Variants in STAG1 observed in about 807,000 individuals in gnomAD.
The protein encoded by STAG1 is STAG1 cohesin complex component, also known as cohesin subunit SA-1.
STAG1 carries 26 observed loss-of-function variants against 170.9 expected under a neutral mutation model. The observed-to-expected ratio is 0.15, with a 90% CI of 0.11 to 0.21. The LOEUF (loss-of-function observed/expected upper bound fraction) is 0.21, where lower values mean the gene tolerates loss of function less well. Among genes scored for constraint, STAG1 ranks in the 10% least tolerant of loss-of-function variants. The probability of loss-of-function intolerance (pLI) is 1.00; values close to 1 mark genes in which losing one functional copy is unlikely to be tolerated. For synonymous variants in STAG1, 514 were observed against 497.7 expected (o/e 1.03, Z -0.44); for missense variants, 964 against 1,509.5 (o/e 0.64, Z 5.99).
chr3:136,350,764 G>A (rs1190044903), intron 28 of STAG1, among the ~76,000 whole-genome samples: 1 of 152,160 alleles, frequency 6.6e-6, no homozygotes, highest in Non-Finnish European at 1.5e-5. Flanking sequence ...TGGTGGTGAT[G>A]ACTTTGTTTA....
At chr3:136,410,206 C>G (rs1444981928) in intron 21 of STAG1, among the ~76,000 whole-genome samples, 1 of 152,034 alleles carries the variant, frequency 6.6e-6, no homozygotes, top group East Asian at 1.9e-4. Context: ...TCAAGACCAG[C>G]CTGGCCAACA....
rs549850944 is a variant in STAG1, at chr3:136,391,026, C to G, written c.2277+7723G>C. Among the ~76,000 whole-genome samples the G allele has an allele frequency of 2.0e-5, 3 of 152,144 alleles. No individual in the cohort carries two copies. The South Asian group carries it at 6.2e-4, about 31-fold the overall frequency. On this transcript the variant is annotated intron_variant, in intron 22 of 33. Transcript: ENST00000383202. ...TTTCTCCAGTCTGTTTGCAGGTCAA[C>G]AAGTTGGAATTTTCAGAGGAGAACC...
intron 1 of STAG1, among the ~76,000 whole-genome samples, chr3:136,673,632 A>T (rs563962236): frequency 6.6e-6 from 1 of 152,182 alleles, no homozygotes; most frequent in Non-Finnish European, 1.5e-5. Flanking sequence ...ACCTGTTATC[A>T]TAACAATTAT....
intron 6 of STAG1, among the ~76,000 whole-genome samples, chr3:136,523,610 T>C (rs1361107115): frequency 6.6e-6 from 1 of 152,196 alleles, no homozygotes; most frequent in Non-Finnish European, 1.5e-5. Context: ...TAGATCCCAT[T>C]TGTCAGTTTT....
intron 5 of STAG1, among the ~76,000 whole-genome samples, chr3:136,545,799 C>T (rs1936131770): frequency 1.3e-5 from 2 of 152,146 alleles, no homozygotes; most frequent in East Asian, 1.9e-4. Flanking sequence ...ACAGAAATTG[C>T]TGTGATTACA....
chr3:136,572,976 G>A (rs932464035), intron 4 of STAG1, among the ~76,000 whole-genome samples: 1 of 152,130 alleles, frequency 6.6e-6, no homozygotes, highest in Admixed American at 6.5e-5. Context: ...AGGAGTTCGA[G>A]AGCAGCCTAG....
chr3:136,447,183 C>A (rs138072111), intron 14 of STAG1, among the ~76,000 whole-genome samples: 1 of 151,946 alleles, frequency 6.6e-6, no homozygotes, highest in African/African-American at 2.4e-5. Flanking sequence ...TTATCCTCCT[C>A]ATTCATAAGA....
chr3:136,582,970 T>C (rs1937624983), intron 4 of STAG1, among the ~76,000 whole-genome samples: 1 of 152,198 alleles, frequency 6.6e-6, no homozygotes, highest in Non-Finnish European at 1.5e-5. Flanking sequence ...ATTTTTCTCT[T>C]TGTGCATAGA....
chr3:136,503,172 A>C (rs746957813), intron 7 of STAG1, among the ~76,000 whole-genome samples: 13 of 151,918 alleles, frequency 8.6e-5, no homozygotes, highest in Non-Finnish European at 1.3e-4. Context: ...ACCTTTACTT[A>C]AATGTGTCAA....
At chr3:136,736,294 G>C (rs138600749) in intron 1 of STAG1, among the ~76,000 whole-genome samples, 10 of 152,150 alleles carry the variant, frequency 6.6e-5, no homozygotes, top group African/African-American at 2.4e-4. Context: ...CAAGGAGAGG[G>C]GAAGGCCTTT....
intron 22 of STAG1, among the ~76,000 whole-genome samples, chr3:136,378,587 G>A (rs1483166136): frequency 6.6e-6 from 1 of 152,160 alleles, no homozygotes; most frequent in Admixed American, 6.5e-5. Context: ...AAGATCACTT[G>A]AGCCCATGGG....
chr3:136,645,127 G>C (rs182158816), intron 1 of STAG1, among the ~76,000 whole-genome samples: 1 of 152,152 alleles, frequency 6.6e-6, no homozygotes, highest in Admixed American at 6.5e-5. Flanking sequence ...AGTTATCTGG[G>C]ACAATTGATA....
chr3:136,723,138 T>C (rs1416916929), intron 1 of STAG1, among the ~76,000 whole-genome samples: 2 of 152,184 alleles, frequency 1.3e-5, no homozygotes, highest in Non-Finnish European at 2.9e-5. Context: ...GAGGAGCATC[T>C]CTGCCCGGCC....
intron 21 of STAG1, among the ~76,000 whole-genome samples, chr3:136,403,210 G>C (rs1431446789): frequency 9.7e-6 from 1 of 102,742 alleles, no homozygotes; most frequent in Non-Finnish European, 1.7e-5. Flanking sequence ...CTGGGCGACA[G>C]AGTGAGACTG....
intron 3 of STAG1, among the ~76,000 whole-genome samples, chr3:136,621,992 GAAAA>G (rs11360539): frequency 1.6e-5 from 2 of 121,466 alleles, no homozygotes; most frequent in Non-Finnish European, 1.7e-5. Flanking sequence ...TGGTGGTGTG[GAAAA>G]AAAAAAAAAA....
chr3:136,606,806 T>C lies in STAG1; in HGVS notation c.133-2333A>G, dbSNP rs117043101. Among the ~76,000 whole-genome samples the C allele has an allele frequency of 1.8e-3, 262 of 148,704 alleles. 2 individuals are homozygous for C. The East Asian group carries it at 0.045, about 25-fold the overall frequency. ...ACTTGTTGCCCAGGCTAACGTGCAATGGCGTGATCTCAGCTCACTACAACC... is the reference window on the plus strand; with the variant it reads ...ACTTGTTGCCCAGGCTAACGTGCAACGGCGTGATCTCAGCTCACTACAACC... On this transcript the variant is annotated intron_variant, in intron 3 of 33. Coordinates refer to ENST00000383202, the MANE Select transcript of STAG1 (RefSeq NM_005862.3).
intron 2 of STAG1, among the ~76,000 whole-genome samples, chr3:136,629,257 T>C (rs1940228795): frequency 6.6e-6 from 1 of 152,002 alleles, no homozygotes; most frequent in African/African-American, 2.4e-5. Flanking sequence ...CATACAAAAA[T>C]AAGGCACACA....
At chr3:136,428,764 T>C (rs1482606784) in intron 16 of STAG1, among the ~76,000 whole-genome samples, 2 of 152,160 alleles carry the variant, frequency 1.3e-5, no homozygotes, top group East Asian at 3.8e-4. Flanking sequence ...AAGAAAATCA[T>C]CAAAGAGATT....
chr3:136,698,295 A>T (rs1041987074), intron 1 of STAG1, among the ~76,000 whole-genome samples: 6 of 152,198 alleles, frequency 3.9e-5, no homozygotes, highest in Non-Finnish European at 5.9e-5. Context: ...AAGGAACTCA[A>T]ATCAGCAAGA....
Sources: gnomAD v4.1 joint callset for allele counts (sites outside exome capture counted in the v4.1 genomes callset) on GRCh38, gnomAD v4.1.1 for gene constraint, MANE v1.5 for transcripts, NCBI Gene and HGNC (gene_info 2026-07-23, HGNC 2026-07-21) for gene names.